Variants in RALA observed in about 807,000 individuals in gnomAD.
RALA encodes the protein ras-related protein Ral-A.
In RALA, 5 loss-of-function variants were observed where a neutral mutation model predicts 24.0. The ratio of observed to expected loss-of-function variants is 0.21; its 90% CI spans 0.11 to 0.44. The LOEUF is 0.44. Ranked by LOEUF, RALA falls within the 20% of genes least tolerant of loss-of-function variation. RALA has a pLI of 0.99. For missense variants in RALA, 95 were observed against 241.2 expected, an observed-to-expected ratio of 0.39 and a Z score of 4.01; for synonymous variants, 77 against 83.8, an observed-to-expected ratio of 0.92 and a Z score of 0.44.
intron 2 of RALA, among the ~76,000 whole-genome samples, chr7:39,689,747 T>C (rs1792781874): frequency 6.6e-6 from 1 of 152,198 alleles, no homozygotes; most frequent in Admixed American, 6.5e-5. Flanking sequence ...TAAGGCCTTG[T>C]CTGCGTACAT....
rs138082705 is a variant in RALA at position 39,673,405 on chromosome 7, C to T, written c.-37-13226C>T. ...TCTTTATGTCTCAAGAACAGGTTGT[C>T]TTCATTTATTCAAGTCATGCTTTAT... On this transcript the variant is annotated intron_variant, in intron 1 of 4. Transcript: ENST00000005257. Among the ~76,000 whole-genome samples the T allele has an allele frequency of 4.1e-3, 629 of 151,922 alleles. 8 individuals are homozygous for T. The highest frequency in any genetic ancestry group is 0.02 in the Middle Eastern group (6 of 294).
Position 39,671,381 on chromosome 7 carries a change from A to G in RALA, c.-37-15250A>G, listed in dbSNP as rs149573790. Reference sequence around the variant, plus strand: ...CTCATGTGTTTTAGAAATTTTTTATAAGTTTTAACTGTGGTAAGGGCTTTA... The same window carrying G: ...CTCATGTGTTTTAGAAATTTTTTATGAGTTTTAACTGTGGTAAGGGCTTTA... On this transcript the variant is annotated intron_variant, in intron 1 of 4. Transcript: ENST00000005257. Among the ~76,000 whole-genome samples, 98 of 152,238 alleles carry G rather than the reference A, an allele frequency of 6.4e-4. 1 individual carries two copies. In the East Asian group the frequency reaches 0.016, roughly 25 times the overall value.
chr7:39,626,684 C>G (rs1791494038), intron 1 of RALA, among the ~76,000 whole-genome samples: 2 of 152,186 alleles, frequency 1.3e-5, no homozygotes, highest in South Asian at 4.1e-4. Context: ...AGTATTTGGA[C>G]TCAATTCTGG....
At chr7:39,677,315 T>C (rs1215782211) in intron 1 of RALA, among the ~76,000 whole-genome samples, 2 of 151,560 alleles carry the variant, frequency 1.3e-5, no homozygotes, top group African/African-American at 2.4e-5. Flanking sequence ...TTTGGTTTTT[T>C]GTTCTTGCGA....
At chr7:39,645,580 A>G (rs1791911516) in intron 1 of RALA, among the ~76,000 whole-genome samples, 4 of 152,222 alleles carry the variant, frequency 2.6e-5, no homozygotes, top group Non-Finnish European at 5.9e-5. Context: ...GGAAGCATAT[A>G]ACCTTTTAGG....
intron 1 of RALA, among the ~76,000 whole-genome samples, chr7:39,634,233 ACCTTGGTCCATT>A (rs200843431): frequency 0.012 from 1,830 of 152,102 alleles, 42 homozygotes; most frequent in African/African-American, 0.042. Context: ...GCCCTCACTC[ACCTTGGTCCATT>A]CCTTGGTCCA....
At chr7:39,664,993 A>G (rs576997670) in intron 1 of RALA, among the ~76,000 whole-genome samples, 2 of 152,282 alleles carry the variant, frequency 1.3e-5, no homozygotes, top group South Asian at 2.1e-4. Flanking sequence ...TACAACATAG[A>G]CTCTTCCGTG....
chr7:39,658,487 T>TAA (rs1407986855), intron 1 of RALA, among the ~76,000 whole-genome samples: 1 of 152,136 alleles, frequency 6.6e-6, no homozygotes, highest in Non-Finnish European at 1.5e-5. Flanking sequence ...TATATATATA[T>TAA]AATGTTTGCA....
chr7:39,681,295 C>T, intron 1 of RALA, among the ~76,000 whole-genome samples: 1 of 132,816 alleles, frequency 7.5e-6, no homozygotes. Context: ...CCAAACCCAC[C>T]CTATTCCTTT....
At chr7:39,705,096 A>ATT (rs959520228) in intron 4 of RALA, among the ~76,000 whole-genome samples, 2 of 152,174 alleles carry the variant, frequency 1.3e-5, no homozygotes, top group African/African-American at 4.8e-5. Flanking sequence ...AATGAAATTG[A>ATT]TTATTAGGGT....
intron 1 of RALA, chr7:39,624,417 C>T (rs1008451794): frequency 6.6e-6 from 1 of 151,626 alleles, no homozygotes; most frequent in Non-Finnish European, 1.5e-5. Flanking sequence ...ACAGCTTTAG[C>T]CCATTTTCAG....
chr7:39,683,472 A>G (rs1177833985), intron 1 of RALA, among the ~76,000 whole-genome samples: 1 of 151,986 alleles, frequency 6.6e-6, no homozygotes, highest in Non-Finnish European at 1.5e-5. Flanking sequence ...TTTTCATTGC[A>G]CTTAGCACTA....
At chr7:39,640,154 T>C (rs1463565683) in intron 1 of RALA, among the ~76,000 whole-genome samples, 3 of 152,134 alleles carry the variant, frequency 2.0e-5, no homozygotes, top group Non-Finnish European at 4.4e-5. Flanking sequence ...CAAGCAATCC[T>C]ACCACCTCAG....
At chr7:39,642,581 T>C (rs1213277409) in intron 1 of RALA, among the ~76,000 whole-genome samples, 1 of 152,206 alleles carries the variant, frequency 6.6e-6, no homozygotes, top group Non-Finnish European at 1.5e-5. Flanking sequence ...TCACACTCTT[T>C]ACAAAAATCC....
intron 1 of RALA, among the ~76,000 whole-genome samples, chr7:39,654,911 C>T (rs752111414): frequency 6.6e-6 from 1 of 152,032 alleles, no homozygotes; most frequent in African/African-American, 2.4e-5. Context: ...CCACACTATA[C>T]CCAGCTAATT....
At chr7:39,694,464 C>G (rs561415885) in intron 3 of RALA, among the ~76,000 whole-genome samples, 1 of 152,136 alleles carries the variant, frequency 6.6e-6, no homozygotes, top group Non-Finnish European at 1.5e-5. Context: ...CCTGGTTCTA[C>G]TTAAGTGTGT....
In RALA at chr7:39,689,752, G is replaced by A. The variant is rs550725611; in HGVS notation, c.115-630G>A. ...GGCAACATAGTAAGGCCTTGTCTGC[G>A]TACATATACACATACTTATCATCTG... On this transcript the variant is annotated intron_variant, in intron 2 of 4. Transcript: ENST00000005257. Among the ~76,000 whole-genome samples, 41 of 152,248 alleles carry A rather than the reference G, an allele frequency of 2.7e-4. 1 individual carries two copies. In the South Asian group the frequency reaches 3.5e-3, roughly 13 times the overall value.
chr7:39,693,131 C>T (rs1486781751), intron 3 of RALA, among the ~76,000 whole-genome samples: 1 of 152,028 alleles, frequency 6.6e-6, no homozygotes, highest in Admixed American at 6.5e-5. Flanking sequence ...ATGTTTACTG[C>T]GGCACTACTC....
chr7:39,704,763 C>T (rs1793087893), intron 4 of RALA, among the ~76,000 whole-genome samples: 1 of 152,104 alleles, frequency 6.6e-6, no homozygotes, highest in South Asian at 2.1e-4. Flanking sequence ...GCAACCTCCA[C>T]CTCCTGGGTT....
Sources: gnomAD v4.1 joint callset for allele counts (sites outside exome capture counted in the v4.1 genomes callset) on GRCh38, gnomAD v4.1.1 for gene constraint, MANE v1.5 for transcripts, NCBI Gene and HGNC (gene_info 2026-07-23, HGNC 2026-07-21) for gene names.